WDFY4: variants seen among roughly 807,000 people sequenced by gnomAD.
The protein encoded by WDFY4 is WD repeat- and FYVE domain-containing protein 4.
In WDFY4, 169 loss-of-function variants were observed where a neutral mutation model predicts 351.9. The observed-to-expected ratio is 0.48, with a 90% CI of 0.42 to 0.55. The LOEUF (loss-of-function observed/expected upper bound fraction) is 0.55, where lower values mean the gene tolerates loss of function less well. Among genes scored for constraint, WDFY4 ranks in the 20% least tolerant of loss-of-function variants. The pLI, the probability that WDFY4 is intolerant of heterozygous loss-of-function variation, is 0.00. For synonymous variants in WDFY4, 1,622 were observed against 1,574.6 expected (o/e 1.03, Z -0.71); for missense variants, 3,803 against 3,935.6 (o/e 0.97, Z 0.90).
chr10:48,945,832 CT>C (rs1372124357), intron 49 of WDFY4, among the ~76,000 whole-genome samples: 4 of 152,224 alleles, frequency 2.6e-5, no homozygotes, highest in African/African-American at 9.7e-5. Flanking sequence ...CAGTCTTCCC[CT>C]CCTCTTATTT....
intron 50 of WDFY4, 67 bp downstream of exon 50, chr10:48,946,224 TAAC>T (rs1171503697): frequency 1.0e-5 from 13 of 1,270,118 alleles, no homozygotes; most frequent in Non-Finnish European, 1.4e-5. Flanking sequence ...TGATAGTTGA[TAAC>T]AATTAAGGTG....
At chr10:48,956,997 A>G (rs752218741) in intron 51 of WDFY4, 132 bp from the exon 52 acceptor site, 1 of 1,193,994 alleles carries the variant, frequency 8.4e-7, no homozygotes, top group Non-Finnish European at 1.2e-6. Flanking sequence ...GCTGATGGGT[A>G]CACGTGTGTG....
intron 44 of WDFY4, among the ~76,000 whole-genome samples, chr10:48,892,173 C>T (rs150244596): frequency 4.6e-5 from 7 of 152,246 alleles, no homozygotes; most frequent in African/African-American, 7.2e-5. Context: ...TCCATATGCA[C>T]GGTGTGCCCC....
chr10:48,722,349 GC>G (rs2064118700), intron 4 of WDFY4, among the ~76,000 whole-genome samples: 2 of 152,312 alleles, frequency 1.3e-5, no homozygotes, highest in African/African-American at 4.8e-5. Context: ...TAACCTAAGG[GC>G]TTGTTTTTCA....
At chr10:48,768,014 C>G (rs1261431971) in intron 13 of WDFY4, among the ~76,000 whole-genome samples, 1 of 152,154 alleles carries the variant, frequency 6.6e-6, no homozygotes, top group Non-Finnish European at 1.5e-5. Context: ...GGGGACCACA[C>G]TGGGGACTGT....
intron 45 of WDFY4, among the ~76,000 whole-genome samples, chr10:48,898,010 C>T (rs1243615874): frequency 1.3e-5 from 2 of 152,102 alleles, no homozygotes; most frequent in Non-Finnish European, 2.9e-5. Context: ...CCTTTCTCCC[C>T]AAGGTGCTCG....
intron 40 of WDFY4, among the ~76,000 whole-genome samples, chr10:48,869,150 T>A (rs1235407362): frequency 2.0e-5 from 3 of 152,242 alleles, no homozygotes; most frequent in South Asian, 4.1e-4. Context: ...GATAATGGGA[T>A]GTGGACCTTT....
chr10:48,704,029 C>G (rs1247069908), intron 1 of WDFY4, among the ~76,000 whole-genome samples: 1 of 152,134 alleles, frequency 6.6e-6, no homozygotes, highest in African/African-American at 2.4e-5. Flanking sequence ...GTTCCCTGCA[C>G]ATGGCACAGA....
intron 31 of WDFY4, 89 bp downstream of exon 31, chr10:48,814,171 T>C: frequency 7.1e-7 from 1 of 1,414,260 alleles, no homozygotes; most frequent in Non-Finnish European, 9.3e-7. Context: ...TCTTAGCATC[T>C]TCCCACTAAT....
chr10:48,882,929 G>A (rs2070310133), intron 43 of WDFY4, among the ~76,000 whole-genome samples: 1 of 152,204 alleles, frequency 6.6e-6, no homozygotes, highest in Non-Finnish European at 1.5e-5. Flanking sequence ...ACAGAGCCCA[G>A]GGTGGCTACT....
chr10:48,884,406 T>C (rs937456004), intron 43 of WDFY4: 3 of 152,202 alleles, frequency 2.0e-5, no homozygotes, highest in African/African-American at 4.8e-5. Flanking sequence ...GCATTCTTCA[T>C]ATGCAAGGCC....
chr10:48,719,655 G>A (rs2064013889), intron 2 of WDFY4, among the ~76,000 whole-genome samples: 2 of 152,224 alleles, frequency 1.3e-5, no homozygotes, highest in Non-Finnish European at 2.9e-5. Flanking sequence ...CTGAGGAAGG[G>A]AGAAACCTGG....
intron 43 of WDFY4, among the ~76,000 whole-genome samples, chr10:48,877,579 C>T (rs2070072156): frequency 6.6e-6 from 1 of 152,214 alleles, no homozygotes; most frequent in Non-Finnish European, 1.5e-5. Context: ...CCTGAGAGGT[C>T]CCACACCTTG....
rs1298138910 is a variant in WDFY4 at position 48,981,397 on chromosome 10, G to A, written c.9407G>A (p.Ser3136Asn). 6.4e-7 allele frequency: 1 copy of A among 1,551,774 alleles called. No individual in the cohort carries two copies. The highest frequency in any genetic ancestry group is 8.7e-7 in the Non-Finnish European group (1 of 1,147,008). The change falls in exon 61 of 62, where the codon AGT (serine) becomes AAT (asparagine). Residue 3136 changes from serine (S) to asparagine (N), a missense_variant. Physicochemically the swap from Ser to Asn is conservative, Grantham distance 46. Coordinates refer to ENST00000325239, the MANE Select transcript of WDFY4 (RefSeq NM_001394531.1). ...AAGTGGGAGAAGAACCTGGCCTTGA[G>A]TCGAGAGCTGGACGTTAGCATTGCT... ...GHKWEKNLAL[S>N]RELDVSIALT...
At chr10:48,896,166 G>A (rs1837066069) in intron 44 of WDFY4, among the ~76,000 whole-genome samples, 1 of 152,242 alleles carries the variant, frequency 6.6e-6, no homozygotes, top group Non-Finnish European at 1.5e-5. Context: ...AGCAGCTCAG[G>A]CCTGTGCCTT....
intron 7 of WDFY4, 77 bp from the exon 8 acceptor site, chr10:48,729,355 C>G: frequency 6.6e-7 from 1 of 1,517,512 alleles, no homozygotes; most frequent in Non-Finnish European, 8.9e-7. Context: ...TTGGCTCTGT[C>G]TCCTTGAGAG....
chr10:48,762,159 T>C (rs1265544537), intron 13 of WDFY4, among the ~76,000 whole-genome samples: 2 of 152,174 alleles, frequency 1.3e-5, no homozygotes, highest in African/African-American at 4.8e-5. Context: ...GCATTATTAG[T>C]CACAGCCTAA....
chr10:48,732,660 G>A (rs1229389956), intron 9 of WDFY4, among the ~76,000 whole-genome samples: 1 of 152,236 alleles, frequency 6.6e-6, no homozygotes, highest in Non-Finnish European at 1.5e-5. Context: ...GTAAAACAGG[G>A]TAATGATGTT....
intron 47 of WDFY4, among the ~76,000 whole-genome samples, chr10:48,916,828 C>A (rs894907959): frequency 9.9e-5 from 1 of 10,058 alleles, no homozygotes; most frequent in African/African-American, 2.6e-4. Flanking sequence ...CTACTACAGA[C>A]CCCTAGGTGC....
Sources: allele counts gnomAD v4.1 joint callset (sites outside exome capture counted in the v4.1 genomes callset), GRCh38; gene constraint gnomAD v4.1.1; transcripts MANE v1.5; gene names NCBI Gene and HGNC (gene_info 2026-07-23, HGNC 2026-07-21).